The following XKR4 variants were observed in gnomAD, a reference collection of about 807,000 sequenced individuals.
The protein encoded by XKR4 is XK related 4, also known as XK-related protein 4.
XKR4 carries 12 observed loss-of-function variants against 53.9 expected under a neutral mutation model. The ratio of observed to expected loss-of-function variants is 0.22; its 90% CI spans 0.14 to 0.36. The LOEUF (loss-of-function observed/expected upper bound fraction) is 0.36, where lower values mean the gene tolerates loss of function less well. Among genes scored for constraint, XKR4 ranks in the 10% least tolerant of loss-of-function variants. The pLI, the probability that XKR4 is intolerant of heterozygous loss-of-function variation, is 1.00. For missense variants in XKR4, 799 were observed against 859.5 expected, an observed-to-expected ratio of 0.93 and a Z score of 0.88; for synonymous variants, 354 against 362.4, an observed-to-expected ratio of 0.98 and a Z score of 0.26.
intron 1 of XKR4, among the ~76,000 whole-genome samples, chr8:55,162,891 G>T (rs1353138076): frequency 6.6e-6 from 1 of 152,108 alleles, no homozygotes; most frequent in African/African-American, 2.4e-5. Flanking sequence ...TATCTGAATA[G>T]TATGTATCCC....
chr8:55,186,246 G>T (rs907078543), intron 1 of XKR4, among the ~76,000 whole-genome samples: 1 of 152,112 alleles, frequency 6.6e-6, no homozygotes, highest in African/African-American at 2.4e-5. Flanking sequence ...GATTTAAAAG[G>T]TCTTCTCTTC....
intron 1 of XKR4, among the ~76,000 whole-genome samples, chr8:55,175,931 A>G (rs558609871): frequency 3.4e-4 from 52 of 152,354 alleles, no homozygotes; most frequent in African/African-American, 1.3e-3. Flanking sequence ...TTGTTAGAAG[A>G]AATATGTTAA....
chr8:55,169,821 A>G (rs926762484), intron 1 of XKR4, among the ~76,000 whole-genome samples: 1 of 152,244 alleles, frequency 6.6e-6, no homozygotes, highest in Non-Finnish European at 1.5e-5. Flanking sequence ...GAATAAGGAT[A>G]TTTGTATAGA....
chr8:55,498,883 A>C (rs896320971), intron 2 of XKR4, among the ~76,000 whole-genome samples: 14 of 152,204 alleles, frequency 9.2e-5, no homozygotes, highest in Non-Finnish European at 1.8e-4. Context: ...TTTTCTGAAA[A>C]ACTGAGTTTC....
Position 55,530,805 on chromosome 8 carries a change from C to A in XKR4, c.*6578C>A, listed in dbSNP as rs559120612. 1.3e-5 allele frequency: 2 copies of A among 151,998 alleles called. No homozygotes were observed. The highest frequency in any genetic ancestry group is 2.9e-5 in the Non-Finnish European group (2 of 68,008). 9.4% of individuals were successfully genotyped at this position (151,998 alleles called of 1,614,324 possible). ...TTATCACTTTATTTTATAGATGAGA[C>A]AACTGAGATCCAAAAAGAACAGGTA... On this transcript the variant is annotated 3_prime_UTR_variant, in exon 3 of 3. Coordinates refer to ENST00000327381, the MANE Select transcript of XKR4 (RefSeq NM_052898.2).
At chr8:55,479,232 A>T (rs1192679999) in intron 2 of XKR4, among the ~76,000 whole-genome samples, 1 of 152,146 alleles carries the variant, frequency 6.6e-6, no homozygotes, top group Non-Finnish European at 1.5e-5. Context: ...ACTAGAACTC[A>T]GGATTAAGAA....
chr8:55,454,756 G>T, intron 2 of XKR4: 1 of 784,466 alleles, frequency 1.3e-6, no homozygotes, highest in East Asian at 2.4e-5. Context: ...GTCAAGTCGC[G>T]ACACAGGTAC....
chr8:55,419,050 G>A (rs1260927233), intron 2 of XKR4, among the ~76,000 whole-genome samples: 2 of 151,990 alleles, frequency 1.3e-5, no homozygotes, highest in East Asian at 1.9e-4. Flanking sequence ...TACTTACAGC[G>A]GTGTCTGACA....
chr8:55,374,378 G>C (rs1804117491), intron 2 of XKR4, among the ~76,000 whole-genome samples: 3 of 152,194 alleles, frequency 2.0e-5, no homozygotes, highest in African/African-American at 7.2e-5. Context: ...GAGGTCAGTG[G>C]ACACCCAAAG....
At chr8:55,241,194 C>T (rs570593225) in intron 1 of XKR4, among the ~76,000 whole-genome samples, 8 of 152,252 alleles carry the variant, frequency 5.3e-5, no homozygotes, top group Middle Eastern at 6.8e-3. Flanking sequence ...ACTTTCAACC[C>T]GTGCATTCAT....
At chr8:55,434,742 G>T (rs1357337516) in intron 2 of XKR4, among the ~76,000 whole-genome samples, 3 of 152,188 alleles carry the variant, frequency 2.0e-5, no homozygotes, top group African/African-American at 7.2e-5. Context: ...ATACCACTGT[G>T]TTTCGACTTT....
intron 1 of XKR4, among the ~76,000 whole-genome samples, chr8:55,143,618 G>A (rs531675201): frequency 1.1e-4 from 16 of 152,212 alleles, no homozygotes; most frequent in South Asian, 4.2e-4. Flanking sequence ...ATAATTTTTC[G>A]ATTAAAAGGG....
chr8:55,341,065 A>C lies in XKR4; in HGVS notation c.807-16613A>C, dbSNP rs1028963781. Reference sequence around the variant, plus strand: ...TTGGAGGATTTATGTCTAGAGAAAGAAGCACATCATTGGGGGTGCTGCGGG... The same window carrying C: ...TTGGAGGATTTATGTCTAGAGAAAGCAGCACATCATTGGGGGTGCTGCGGG... On this transcript the variant is annotated intron_variant, in intron 1 of 2. Coordinates refer to ENST00000327381, the MANE Select transcript of XKR4 (RefSeq NM_052898.2). 2.6e-5 allele frequency among the ~76,000 whole-genome samples: 4 copies of C among 152,284 alleles called. No individual in the cohort carries two copies. In the East Asian group the frequency reaches 5.8e-4, roughly 22 times the overall value.
chr8:55,256,564 T>TC (rs1437902356), intron 1 of XKR4, among the ~76,000 whole-genome samples: 3 of 151,916 alleles, frequency 2.0e-5, no homozygotes, highest in Non-Finnish European at 4.4e-5. Context: ...GAGGGAAGAG[T>TC]CTAAGTTCTT....
At chr8:55,193,535 G>T (rs2129361275) in intron 1 of XKR4, among the ~76,000 whole-genome samples, 1 of 152,166 alleles carries the variant, frequency 6.6e-6, no homozygotes, top group East Asian at 1.9e-4. Context: ...GCCCCCTTCT[G>T]GGCCTACAGC....
At chr8:55,462,755 G>T (rs1437426726) in intron 2 of XKR4, among the ~76,000 whole-genome samples, 6 of 152,064 alleles carry the variant, frequency 3.9e-5, no homozygotes, top group African/African-American at 1.4e-4. Flanking sequence ...ACACACATAG[G>T]CTCAAAATAA....
intron 1 of XKR4, among the ~76,000 whole-genome samples, chr8:55,182,333 C>T (rs1817322289): frequency 6.6e-6 from 1 of 152,008 alleles, no homozygotes; most frequent in Admixed American, 6.6e-5. Context: ...TTATGGATTA[C>T]ACTTTGGTGC....
chr8:55,482,391 T>C (rs947268942), intron 2 of XKR4, among the ~76,000 whole-genome samples: 3 of 152,104 alleles, frequency 2.0e-5, no homozygotes, highest in Admixed American at 6.5e-5. Context: ...CTCTGGGGAC[T>C]GTTATGGGGT....
intron 2 of XKR4, among the ~76,000 whole-genome samples, chr8:55,411,476 A>G (rs188812177): frequency 9.8e-5 from 15 of 152,354 alleles, no homozygotes; most frequent in African/African-American, 3.4e-4. Context: ...AATTCTTCCA[A>G]GAAAAGGTGG....
Sources: allele counts gnomAD v4.1 joint callset (sites outside exome capture counted in the v4.1 genomes callset), GRCh38; gene constraint gnomAD v4.1.1; transcripts MANE v1.5; gene names NCBI Gene and HGNC (gene_info 2026-07-23, HGNC 2026-07-21).